The following RASAL2 variants were observed in gnomAD, a reference collection of about 807,000 sequenced individuals.
The protein encoded by RASAL2 is RAS protein activator like 2, also known as ras GTPase-activating protein nGAP.
Under a neutral mutation model 128.9 loss-of-function variants are expected in RASAL2, and 58 were observed. The observed-to-expected ratio is 0.45, with a 90% confidence interval of 0.36 to 0.56. RASAL2 has a LOEUF of 0.56. Ranked by LOEUF, RASAL2 falls within the 20% of genes least tolerant of loss-of-function variation. The pLI, the probability that RASAL2 is intolerant of heterozygous loss-of-function variation, is 0.00. For missense variants in RASAL2, 1,360 were observed against 1,601.6 expected (o/e 0.85, Z 2.57); for synonymous variants, 561 against 580.8 (o/e 0.97, Z 0.49).
In RASAL2 at chr1:178,476,564, T is replaced by TC. The variant is rs1558023352; in HGVS notation, c.*3326dup. On this transcript the variant is annotated 3_prime_UTR_variant, in exon 18 of 18. Transcript: ENST00000367649. ...TGCTGCTATAGCTTTTTGCTTTTTT[T>TC]CATATAGTATCAAGTTGGTCAGAAT... 6.6e-6 allele frequency: 1 copy of TC among 152,224 alleles called. No individual in the cohort carries two copies. The highest frequency in any genetic ancestry group is 1.5e-5 in the Non-Finnish European group (1 of 68,036). The allele number at this position is 152,224 out of a possible 1,614,324, so 9.4% of individuals were successfully genotyped here. A position where few individuals can be genotyped will look rare whatever the true frequency, so the allele number is the denominator to read the frequency against.
intron 1 of RASAL2, among the ~76,000 whole-genome samples, chr1:178,196,554 T>C (rs1443651206): frequency 6.6e-6 from 1 of 152,224 alleles, no homozygotes; most frequent in East Asian, 1.9e-4. Flanking sequence ...AGTACTACTT[T>C]GAATCCATGC....
chr1:178,354,827 A>G (rs1424938586), intron 3 of RASAL2, among the ~76,000 whole-genome samples: 2 of 152,260 alleles, frequency 1.3e-5, no homozygotes, highest in Non-Finnish European at 2.9e-5. Flanking sequence ...AAGTAGATAT[A>G]TACTACGTTT....
At chr1:178,298,682 A>G (rs1667623225) in intron 2 of RASAL2, among the ~76,000 whole-genome samples, 1 of 152,242 alleles carries the variant, frequency 6.6e-6, no homozygotes, top group Admixed American at 6.5e-5. Context: ...AAAAGGAGAT[A>G]ATAATAATGT....
intron 3 of RASAL2, among the ~76,000 whole-genome samples, chr1:178,387,375 A>T (rs951464439): frequency 1.1e-4 from 17 of 151,390 alleles, no homozygotes; most frequent in Admixed American, 5.3e-4. Flanking sequence ...TTTTTTTTTT[A>T]ATTTTATTAT....
chr1:178,164,596 T>G (rs192313789), intron 1 of RASAL2, among the ~76,000 whole-genome samples: 4 of 151,534 alleles, frequency 2.6e-5, no homozygotes, highest in African/African-American at 9.7e-5. Flanking sequence ...TTTGTGGATG[T>G]CATTTTCTTC....
chr1:178,387,786 A>G (rs1672670820), intron 3 of RASAL2, among the ~76,000 whole-genome samples: 1 of 152,138 alleles, frequency 6.6e-6, no homozygotes, highest in Admixed American at 6.6e-5. Context: ...GTTGGAAAAA[A>G]GAGAAAAGAA....
At chr1:178,378,556 C>A (rs1168200636) in intron 3 of RASAL2, among the ~76,000 whole-genome samples, 1 of 152,036 alleles carries the variant, frequency 6.6e-6, no homozygotes, top group Non-Finnish European at 1.5e-5. Flanking sequence ...TAAAACAAAT[C>A]TCAACAAATT....
chr1:178,237,192 A>G (rs1245300944), intron 1 of RASAL2, among the ~76,000 whole-genome samples: 21 of 152,102 alleles, frequency 1.4e-4, no homozygotes. Flanking sequence ...CCAAGACTAC[A>G]CAGCTAGTAA....
At chr1:178,111,846 C>T (rs1659335940) in intron 1 of RASAL2, among the ~76,000 whole-genome samples, 1 of 152,160 alleles carries the variant, frequency 6.6e-6, no homozygotes, top group Admixed American at 6.5e-5. Flanking sequence ...TCTCCCACCT[C>T]AGCCTCCCGA....
At chr1:178,170,037 T>G (rs1661655321) in intron 1 of RASAL2, among the ~76,000 whole-genome samples, 1 of 152,036 alleles carries the variant, frequency 6.6e-6, no homozygotes, top group Non-Finnish European at 1.5e-5. Context: ...CTCCCCATTC[T>G]CATTTATTTT....
At chr1:178,448,551 A>G (rs1173781565) in intron 9 of RASAL2, among the ~76,000 whole-genome samples, 1 of 152,198 alleles carries the variant, frequency 6.6e-6, no homozygotes, top group Admixed American at 6.5e-5. Context: ...AGAGCTTAAG[A>G]AAAGTACAAA....
chr1:178,383,557 C>T (rs1368471449), intron 3 of RASAL2, among the ~76,000 whole-genome samples: 1 of 151,878 alleles, frequency 6.6e-6, no homozygotes. Flanking sequence ...AGTCCTCCAG[C>T]AAAAAAATAT....
At chr1:178,236,857 G>A (rs1006782102) in intron 1 of RASAL2, among the ~76,000 whole-genome samples, 9 of 148,646 alleles carry the variant, frequency 6.1e-5, no homozygotes, top group South Asian at 4.3e-4. Context: ...TCCGCCTCCC[G>A]GGTTCAAGTG....
At chr1:178,161,731 A>G (rs1052961846) in intron 1 of RASAL2, among the ~76,000 whole-genome samples, 2 of 152,060 alleles carry the variant, frequency 1.3e-5, no homozygotes, top group African/African-American at 4.8e-5. Flanking sequence ...TAAGGATTCC[A>G]CGTTTTCCAC....
intron 1 of RASAL2, among the ~76,000 whole-genome samples, chr1:178,137,506 A>G (rs767488652): frequency 2.0e-5 from 3 of 152,188 alleles, no homozygotes; most frequent in Non-Finnish European, 2.9e-5. Flanking sequence ...TTTCTGGAAC[A>G]TTTCTAAGGC....
At chr1:178,416,773 C>G (rs1032711615) in intron 4 of RASAL2, among the ~76,000 whole-genome samples, 12 of 151,728 alleles carry the variant, frequency 7.9e-5, no homozygotes, top group African/African-American at 2.7e-4. Context: ...TTTTTTTCCT[C>G]TCAACACTTT....
intron 3 of RASAL2, among the ~76,000 whole-genome samples, chr1:178,371,343 C>A (rs61130523): frequency 7.0e-6 from 1 of 142,612 alleles, no homozygotes; most frequent in African/African-American, 2.9e-5. Context: ...CACACACACA[C>A]ACACACACAA....
intron 2 of RASAL2, among the ~76,000 whole-genome samples, chr1:178,290,654 AG>A (rs1422304256): frequency 6.6e-6 from 1 of 151,988 alleles, no homozygotes; most frequent in Non-Finnish European, 1.5e-5. Context: ...TGCTTCAGTA[AG>A]TTTATTTTTA....
intron 2 of RASAL2, among the ~76,000 whole-genome samples, chr1:178,285,994 C>A (rs1667007003): frequency 6.6e-6 from 1 of 152,120 alleles, no homozygotes; most frequent in South Asian, 2.1e-4. Context: ...CATCTTATGT[C>A]CTTTATCCCT....
Sources: gnomAD v4.1 joint callset for allele counts (sites outside exome capture counted in the v4.1 genomes callset) on GRCh38, gnomAD v4.1.1 for gene constraint, MANE v1.5 for transcripts, NCBI Gene and HGNC (gene_info 2026-07-23, HGNC 2026-07-21) for gene names.